Variants in PRPF8 observed in about 807,000 individuals in gnomAD.
PRPF8 encodes the protein pre-mRNA-processing-splicing factor 8.
Under a neutral mutation model 285.9 loss-of-function variants are expected in PRPF8, and 64 were observed. The ratio of observed to expected loss-of-function variants is 0.22; its 90% CI spans 0.18 to 0.28. PRPF8 has a LOEUF of 0.28. PRPF8 is among the 10% of genes least tolerant of loss of function. PRPF8 has a pLI of 1.00. For missense variants in PRPF8, 1,426 were observed against 3,026.7 expected, an observed-to-expected ratio of 0.47 and a Z score of 12.41; for synonymous variants, 1,325 against 1,118.2, an observed-to-expected ratio of 1.18 and a Z score of -3.69.
chr17:1,667,636 G>A (rs1054067766), intron 24 of PRPF8, among the ~76,000 whole-genome samples: 3 of 143,314 alleles, frequency 2.1e-5, no homozygotes, highest in Non-Finnish European at 3.0e-5. Context: ...CTCCACCTCC[G>A]GGGCTCAAGT....
intron 36 of PRPF8, 88 bp from the exon 37 acceptor site, chr17:1,655,631 T>TC (rs1299021529): frequency 5.6e-6 from 7 of 1,242,052 alleles, no homozygotes; most frequent in Admixed American, 1.8e-5. Context: ...CCAAGAATTT[T>TC]TTTTTTTTCT....
chr17:1,655,924 CTTTT>C (rs76782744), intron 36 of PRPF8, among the ~76,000 whole-genome samples: 2 of 119,516 alleles, frequency 1.7e-5, no homozygotes, highest in Non-Finnish European at 3.5e-5. Flanking sequence ...TGCGCCCGGC[CTTTT>C]TTTTTTTTTT....
chr17:1,677,365 C>T lies in PRPF8; in HGVS notation c.1985-193G>A, dbSNP rs910751731. 4.1e-5 allele frequency: 39 copies of T among 960,274 alleles called. No homozygotes were observed. The Admixed American group carries it at 8.0e-4, about 20-fold the overall frequency. The allele number at this position is 960,274 out of a possible 1,614,324, so 59.5% of individuals were successfully genotyped here. A position where few individuals can be genotyped will look rare whatever the true frequency, so the allele number is the denominator to read the frequency against. On this transcript the variant is annotated intron_variant, in intron 14 of 42. Coordinates refer to ENST00000304992, the MANE Select transcript of PRPF8 (RefSeq NM_006445.4). ...ACTATGCTTCTGAGGAATTTCCACT[C>T]CTGCAAATGCATGACTGCCTCTCAA...
rs1911184821 is a variant in PRPF8 at position 1,653,324 on chromosome 17, A to G, written c.6369+218T>C. 1.5e-6 allele frequency: 1 copy of G among 653,068 alleles called. No homozygotes were observed. Among genetic ancestry groups the G allele is most frequent in the African/African-American group, 1.8e-5 (1 of 55,588 alleles). 40.5% of individuals were successfully genotyped at this position (653,068 alleles called of 1,614,324 possible). A position where few individuals can be genotyped will look rare whatever the true frequency, so the allele number is the denominator to read the frequency against. On this transcript the variant is annotated intron_variant, in intron 39 of 42. Transcript: ENST00000304992. This position sits in a 1 kb window ranked among gnomAD's most constrained non-coding sequence, Gnocchi z 4.9. ...CCATATCTGTTCTCTTCCAAATACT[A>G]TCAGGCCAATACTACAATTACTACC...
rs1911169298 is a variant in PRPF8, at chr17:1,653,062, C to T, written c.6369+480G>A. 3.7e-6 allele frequency: 1 copy of T among 271,772 alleles called. No individual in the cohort carries two copies. Among genetic ancestry groups the T allele is most frequent in the African/African-American group, 2.2e-5 (1 of 45,286 alleles). 16.8% of individuals were successfully genotyped at this position (271,772 alleles called of 1,614,324 possible). ...CAAGCAATTCTCCTGTCTCAACCTC[C>T]CTAGTAGCTGCAACTACGGGCGCAT... is the stretch of plus-strand genomic sequence containing the variant. On this transcript the variant is annotated intron_variant, in intron 39 of 42. Transcript: ENST00000304992. This position sits in a 1 kb window ranked among gnomAD's most constrained non-coding sequence, Gnocchi z 4.9.
intron 39 of PRPF8, chr17:1,652,067 A>C: frequency 1.8e-6 from 1 of 555,694 alleles, no homozygotes; most frequent in Non-Finnish European, 3.2e-6. Flanking sequence ...TTCACAAGCA[A>C]ATGAGCACAC....
At chr17:1,667,793 C>T (rs1480897666) in intron 24 of PRPF8, among the ~76,000 whole-genome samples, 2 of 152,280 alleles carry the variant, frequency 1.3e-5, no homozygotes, top group East Asian at 1.9e-4. Flanking sequence ...CCACCTACCT[C>T]GGCCTCCCAA....
chr17:1,683,972 C>G (rs1913085856), intron 2 of PRPF8, among the ~76,000 whole-genome samples: 1 of 151,662 alleles, frequency 6.6e-6, no homozygotes, highest in Admixed American at 6.6e-5. Context: ...CTGCAACCTC[C>G]GCCTCCTGGG....
In PRPF8 at chr17:1,673,435, C is replaced by T; in HGVS notation, c.3579G>A (p.Glu1193=). 1 of 1,614,166 alleles carries T rather than the reference C, an allele frequency of 6.2e-7. No individual in the cohort carries two copies. Among genetic ancestry groups the T allele is most frequent in the Non-Finnish European group, 8.5e-7 (1 of 1,180,036 alleles). The change falls in exon 23 of 43, where the codon GAG becomes GAA. Residue 1193 remains glutamate, a synonymous_variant. Transcript: ENST00000304992. This position sits in a 1 kb window ranked among gnomAD's most constrained non-coding sequence, Gnocchi z 5.5. ...PNLLFNMCGF[E]CRILPKCRTS... ...TGCGGCACTTAGGCAGGATGCGGCACTCGAAGCCACACATGTTGAACAGCA... is the reference window on the plus strand; with the variant it reads ...TGCGGCACTTAGGCAGGATGCGGCATTCGAAGCCACACATGTTGAACAGCA...
intron 24 of PRPF8, among the ~76,000 whole-genome samples, chr17:1,671,850 C>CAAAAAAA (rs1225346730): frequency 1.4e-4 from 7 of 49,744 alleles, no homozygotes; most frequent in East Asian, 5.6e-4. Context: ...GACTCCATCT[C>CAAAAAAA]AAAAAAAAAA....
chr17:1,663,083 AG>A (rs1476984995), intron 24 of PRPF8, among the ~76,000 whole-genome samples: 2 of 152,206 alleles, frequency 1.3e-5, no homozygotes, highest in African/African-American at 4.8e-5. Flanking sequence ...TGGAACTTAA[AG>A]TGTATTATTC....
At chr17:1,666,603 C>G (rs1347284616) in intron 24 of PRPF8, among the ~76,000 whole-genome samples, 3 of 151,108 alleles carry the variant, frequency 2.0e-5, no homozygotes, top group Non-Finnish European at 4.4e-5. Context: ...ATTAATGAAA[C>G]CAAAGCTGTT....
intron 37 of PRPF8, chr17:1,654,484 T>C (rs777183263): frequency 6.6e-5 from 19 of 289,422 alleles, no homozygotes; most frequent in Admixed American, 2.8e-4. Context: ...ATTCTTCCCA[T>C]GTATGGACAG....
In PRPF8 at chr17:1,650,852, G is replaced by A. The variant is rs1440443866; in HGVS notation, c.6958C>T (p.Leu2320=). 1.2e-6 allele frequency: 2 copies of A among 1,614,216 alleles called. No homozygotes were observed. Among genetic ancestry groups the A allele is most frequent in the Admixed American group, 1.7e-5 (1 of 60,030 alleles). The change falls in exon 43 of 43, where the codon CTG becomes TTG. Residue 2320 remains leucine (L), a synonymous_variant. Transcript: ENST00000304992. ...GCAGAGTAAACCTCCCCCTCCTGCA[G>A]GAGAGCAAAGTTGAGGAAGTGAGAG... ...RPSHFLNFAL[L]QEGEVYSADR...
rs747734056 is a variant in PRPF8, at chr17:1,675,923, C to T, written c.2679+5G>A. ...CAAAAAGAAAACTTGGGAGGCCTCA[C>T]TCACCTCTTTGAAGGCTCTCTGTGT... On this transcript the variant is annotated splice_donor_5th_base_variant and intron_variant, in intron 18 of 42. Transcript: ENST00000304992. This position sits in a 1 kb window ranked among gnomAD's most constrained non-coding sequence, Gnocchi z 6.0. The T allele has an allele frequency of 3.8e-5, 61 of 1,614,138 alleles. No homozygotes were observed. Among genetic ancestry groups the T allele is most frequent in the Non-Finnish European group, 5.2e-5 (61 of 1,180,034 alleles).
rs1044825277 is a variant in PRPF8 at position 1,661,837 on chromosome 17, C to G, written c.4023-47G>C. 6.2e-7 allele frequency: 1 copy of G among 1,613,996 alleles called. No individual in the cohort carries two copies. Among genetic ancestry groups the G allele is most frequent in the Non-Finnish European group, 8.5e-7 (1 of 1,180,032 alleles). ...ATTACAGAAAAAATAAAGCCTAAAA[C>G]TAAAGAAATACCCACTTCCCTTAGG... On this transcript the variant is annotated intron_variant, in intron 25 of 42. Transcript: ENST00000304992. This position sits in a 1 kb window ranked among gnomAD's most constrained non-coding sequence, Gnocchi z 7.3.
rs778153519 is a variant in PRPF8, at chr17:1,673,930, ACT to A, written c.3300-40_3300-39del. The A allele has an allele frequency of 1.8e-5, 29 of 1,606,844 alleles. 2 individuals carry two copies. In the Admixed American group the frequency reaches 3.5e-4, roughly 19 times the overall value. On this transcript the variant is annotated intron_variant, in intron 21 of 42. Transcript: ENST00000304992. This position sits in a 1 kb window ranked among gnomAD's most constrained non-coding sequence, Gnocchi z 5.5. Reference sequence around the variant, plus strand: ...AGGTACACTGCTGAGGCCCCAGTACACTGAGATTTGGGACACCCACAAGTCCT... The same window carrying A: ...AGGTACACTGCTGAGGCCCCAGTACAGAGATTTGGGACACCCACAAGTCCT...
Position 1,659,883 on chromosome 17 carries a change from T to C in PRPF8, c.4904A>G (p.Tyr1635Cys). ...TGAGGGCCGGGAGACATTCCACTTATAGGAGGCAAAGAGCAGGATATCTGC... is the reference window on the plus strand; with the variant it reads ...TGAGGGCCGGGAGACATTCCACTTACAGGAGGCAAAGAGCAGGATATCTGC... Reference protein sequence around the residue: ...SCADILLFASYKWNVSRPSLL... With the variant: ...SCADILLFASCKWNVSRPSLL... The change falls in exon 31 of 43, where the codon TAT becomes TGT. Residue 1635 changes from tyrosine to cysteine, a missense_variant. Physicochemically the swap from Tyr to Cys is radical, Grantham distance 194 (BLOSUM62 -2). Transcript: ENST00000304992. This position sits in a 1 kb window ranked among gnomAD's most constrained non-coding sequence, Gnocchi z 5.1. 1 of 1,614,190 alleles carries C rather than the reference T, an allele frequency of 6.2e-7. No individual in the cohort carries two copies. The highest frequency in any genetic ancestry group is 8.5e-7 in the Non-Finnish European group (1 of 1,180,020).
rs1413652904 is a variant in PRPF8 at position 1,678,521 on chromosome 17, G to A, written c.1851C>T (p.Asn617=). ...DLKHLIYYRF[N]TGPVGKGPGC... ...GTCAGTAAAGTCAAGGTCTCACCGT[G>A]TTGAAACGATAATAGATGAGATGCT... The change falls in exon 13 of 43, where the codon AAC becomes AAT. Residue 617 remains asparagine (N), a synonymous_variant. Transcript: ENST00000304992. The A allele has an allele frequency of 9.9e-6, 16 of 1,614,070 alleles. No individual in the cohort carries two copies. Among genetic ancestry groups the A allele is most frequent in the Non-Finnish European group, 1.4e-5 (16 of 1,180,044 alleles).
Sources: allele counts gnomAD v4.1 joint callset (sites outside exome capture counted in the v4.1 genomes callset), GRCh38; gene constraint gnomAD v4.1.1; non-coding constraint Gnocchi (gnomAD v3.1); transcripts MANE v1.5; gene names NCBI Gene and HGNC (gene_info 2026-07-23, HGNC 2026-07-21).